The following PIP5K1B variants were observed in gnomAD, a reference collection of about 807,000 sequenced individuals.
PIP5K1B encodes the protein phosphatidylinositol-4-phosphate 5-kinase type 1 beta.
PIP5K1B carries 42 observed loss-of-function variants against 67.0 expected under a neutral mutation model. The observed-to-expected ratio is 0.63, with a 90% confidence interval of 0.49 to 0.81. PIP5K1B has a LOEUF of 0.81. PIP5K1B is among the 30% of genes least tolerant of loss of function. PIP5K1B has a pLI of 0.00. For missense variants in PIP5K1B, 459 were observed against 646.3 expected (o/e 0.71, Z 3.14); for synonymous variants, 214 against 231.4 (o/e 0.92, Z 0.68).
At chr9:68,889,421 T>C (rs1022555457) in intron 7 of PIP5K1B, among the ~76,000 whole-genome samples, 6 of 152,126 alleles carry the variant, frequency 3.9e-5, no homozygotes, top group African/African-American at 1.2e-4. Context: ...TCAGCCTTAG[T>C]TCCCTCAGTC....
chr9:69,004,337 T>G (rs3923449), intron 15 of PIP5K1B, among the ~76,000 whole-genome samples: 2,220 of 148,342 alleles, frequency 0.015, 19 homozygotes, highest in Middle Eastern at 0.069. Context: ...GTGTGTGTTT[T>G]TGTGTGTGTG....
At chr9:68,887,720 T>G (rs1281178516) in intron 6 of PIP5K1B, among the ~76,000 whole-genome samples, 2 of 152,128 alleles carry the variant, frequency 1.3e-5, no homozygotes, top group Non-Finnish European at 2.9e-5. Context: ...TGATGAAACC[T>G]TTGAACTAAG....
chr9:68,888,254 A>C (rs1257444854), intron 6 of PIP5K1B, among the ~76,000 whole-genome samples: 3 of 152,186 alleles, frequency 2.0e-5, no homozygotes, highest in African/African-American at 7.2e-5. Context: ...CTGGAATTAC[A>C]GGCGTGAGCC....
chr9:68,898,730 A>G (rs1409689033), intron 8 of PIP5K1B, among the ~76,000 whole-genome samples: 2 of 152,110 alleles, frequency 1.3e-5, no homozygotes, highest in Admixed American at 6.5e-5. Flanking sequence ...CTTTCCCTGC[A>G]TGCAGTAAAA....
intron 4 of PIP5K1B, among the ~76,000 whole-genome samples, chr9:68,844,581 ATGGGGGAGATCCAG>A (rs1175324563): frequency 6.6e-6 from 1 of 151,038 alleles, no homozygotes; most frequent in Non-Finnish European, 1.5e-5. Flanking sequence ...GCCAGATCCA[ATGGGGGAGATCCAG>A]TGGGGGAGAT....
intron 4 of PIP5K1B, among the ~76,000 whole-genome samples, chr9:68,862,192 G>C (rs11144031): frequency 0.016 from 2,429 of 152,266 alleles, 49 homozygotes; most frequent in East Asian, 0.089. Flanking sequence ...TGGAGGTCAA[G>C]TTTGGATAAC....
At chr9:68,817,695 G>A (rs1833515659) in intron 2 of PIP5K1B, among the ~76,000 whole-genome samples, 3 of 151,476 alleles carry the variant, frequency 2.0e-5, no homozygotes, top group African/African-American at 7.3e-5. Context: ...GCACGGTGGG[G>A]GAGATAAGAC....
At chr9:68,789,123 T>C in intron 2 of PIP5K1B, 1 of 578,840 alleles carries the variant, frequency 1.7e-6, no homozygotes, top group Non-Finnish European at 3.4e-6. Context: ...CACATCAAAA[T>C]AGGCCTCATT....
At chr9:68,749,735 C>T (rs990384085) in intron 2 of PIP5K1B, among the ~76,000 whole-genome samples, 2 of 152,174 alleles carry the variant, frequency 1.3e-5, no homozygotes, top group Non-Finnish European at 2.9e-5. Flanking sequence ...CCAGAACATT[C>T]TTTGTTGTGG....
chr9:68,940,867 G>A (rs1827526042), intron 14 of PIP5K1B, 77 bp downstream of exon 14: 4 of 1,316,128 alleles, frequency 3.0e-6, no homozygotes, highest in Non-Finnish European at 4.4e-6. Context: ...ATCTCTGAAT[G>A]AGGACACGTC....
Position 68,815,237 on chromosome 9 carries a change from A to G in PIP5K1B, c.-85-3224A>G, listed in dbSNP as rs116980237. ...AGAAATTGTTAATGCATTTAGGAAT[A>G]CTTTATAGCCTAAATGCTTTTGGTA... is the stretch of plus-strand genomic sequence containing the variant. On this transcript the variant is annotated intron_variant, in intron 2 of 15. Transcript: ENST00000265382. 4.2e-4 allele frequency among the ~76,000 whole-genome samples: 62 copies of G among 149,326 alleles called. No individual in the cohort carries two copies. The East Asian group carries it at 0.011, about 26-fold the overall frequency.
At chr9:68,915,978 G>C (rs1398069463) in intron 8 of PIP5K1B, among the ~76,000 whole-genome samples, 1 of 152,202 alleles carries the variant, frequency 6.6e-6, no homozygotes, top group Non-Finnish European at 1.5e-5. Flanking sequence ...CTTCAGGCCT[G>C]ATCCCCTCTT....
chr9:68,773,820 T>C (rs1395204657), intron 2 of PIP5K1B, among the ~76,000 whole-genome samples: 1 of 152,208 alleles, frequency 6.6e-6, no homozygotes, highest in Non-Finnish European at 1.5e-5. Context: ...GTGTCTGTAC[T>C]TAACGGGCCC....
At chr9:68,853,216 A>C (rs1822583645) in intron 4 of PIP5K1B, among the ~76,000 whole-genome samples, 1 of 152,204 alleles carries the variant, frequency 6.6e-6, no homozygotes, top group Non-Finnish European at 1.5e-5. Flanking sequence ...TCAGTCCCAC[A>C]CAATACAAGC....
chr9:68,987,235 A>G (rs1450571304), intron 14 of PIP5K1B, among the ~76,000 whole-genome samples: 2 of 145,554 alleles, frequency 1.4e-5, no homozygotes, highest in African/African-American at 5.1e-5. Flanking sequence ...CTGGGTGACA[A>G]GAGTGAAACT....
At chr9:68,924,802 A>G (rs908505076) in intron 12 of PIP5K1B, among the ~76,000 whole-genome samples, 8 of 152,172 alleles carry the variant, frequency 5.3e-5, no homozygotes, top group African/African-American at 1.7e-4. Flanking sequence ...TTTTTAATTA[A>G]TGAAAGTCAA....
intron 8 of PIP5K1B, among the ~76,000 whole-genome samples, chr9:68,895,225 T>A (rs962746786): frequency 2.0e-5 from 3 of 150,474 alleles, no homozygotes; most frequent in African/African-American, 7.4e-5. Context: ...CTGGAGTGAT[T>A]GTCCAAAGTG....
intron 1 of PIP5K1B, among the ~76,000 whole-genome samples, chr9:68,718,762 G>GC (rs2132256291): frequency 6.6e-6 from 1 of 152,304 alleles, no homozygotes; most frequent in South Asian, 2.1e-4. Context: ...ATTCAGGAAT[G>GC]CAAGGCTCTT....
intron 14 of PIP5K1B, among the ~76,000 whole-genome samples, chr9:68,970,584 A>G (rs1829306688): frequency 6.6e-6 from 1 of 152,234 alleles, no homozygotes; most frequent in African/African-American, 2.4e-5. Flanking sequence ...TTCCCTCACT[A>G]TATATCGTAT....
Sources: allele counts gnomAD v4.1 joint callset (sites outside exome capture counted in the v4.1 genomes callset), GRCh38; gene constraint gnomAD v4.1.1; transcripts MANE v1.5; gene names NCBI Gene and HGNC (gene_info 2026-07-23, HGNC 2026-07-21).